Variants in POU2F3 observed in about 807,000 individuals in gnomAD.
POU2F3 encodes the protein POU domain, class 2, transcription factor 3.
In POU2F3, 23 loss-of-function variants were observed where a neutral mutation model predicts 59.2. The ratio of observed to expected loss-of-function variants is 0.39; its 90% CI spans 0.28 to 0.55. The LOEUF is 0.55. Among genes scored for constraint, POU2F3 ranks in the 20% least tolerant of loss-of-function variants. The probability of loss-of-function intolerance (pLI) is 0.66; values close to 1 mark genes in which losing one functional copy is unlikely to be tolerated. For synonymous variants in POU2F3, 190 were observed against 214.6 expected (o/e 0.89, Z 1.00); for missense variants, 473 against 544.5 (o/e 0.87, Z 1.31).
At chr11:120,313,829 C>T (rs1487390862) in intron 10 of POU2F3, among the ~76,000 whole-genome samples, 4 of 152,068 alleles carry the variant, frequency 2.6e-5, no homozygotes, top group Admixed American at 6.5e-5. Context: ...GCCTGGCCGA[C>T]GTGGCAAAAC....
chr11:120,304,971 A>AAAAAAAAATGT, intron 6 of POU2F3, 59 bp from the exon 7 acceptor site: 2 of 991,260 alleles, frequency 2.0e-6, no homozygotes, highest in Non-Finnish European at 2.9e-6. Flanking sequence ...AAAAAAAAAA[A>AAAAAAAAATGT]TCAGAAAATG....
chr11:120,275,743 C>T (rs954744088), intron 3 of POU2F3, among the ~76,000 whole-genome samples: 1 of 152,232 alleles, frequency 6.6e-6, no homozygotes, highest in African/African-American at 2.4e-5. Flanking sequence ...CTCAGCCCCA[C>T]ACTTGGCAGC....
At chr11:120,266,279 G>A (rs1050412433) in intron 2 of POU2F3, among the ~76,000 whole-genome samples, 3 of 152,022 alleles carry the variant, frequency 2.0e-5, no homozygotes, top group Admixed American at 1.3e-4. Flanking sequence ...CCTGTCAGCT[G>A]TCCATTTAAG....
chr11:120,251,452 A>G (rs1939094724), intron 2 of POU2F3, among the ~76,000 whole-genome samples: 1 of 152,224 alleles, frequency 6.6e-6, no homozygotes, highest in Admixed American at 6.5e-5. Context: ...TGTGCCCAGG[A>G]CTTGAATTTC....
intron 1 of POU2F3, among the ~76,000 whole-genome samples, chr11:120,244,954 G>C (rs1207162453): frequency 6.6e-6 from 1 of 152,058 alleles, no homozygotes; most frequent in African/African-American, 2.4e-5. Context: ...CACTAGGAGG[G>C]GAGGGGGTGG....
At chr11:120,251,122 T>C (rs899780013) in intron 2 of POU2F3, among the ~76,000 whole-genome samples, 1 of 152,170 alleles carries the variant, frequency 6.6e-6, no homozygotes, top group Non-Finnish European at 1.5e-5. Flanking sequence ...TATGCACCAC[T>C]ATGCCCAGCT....
chr11:120,238,336 T>A (rs1399543790), upstream of POU2F3, among the ~76,000 whole-genome samples: 2 of 151,942 alleles, frequency 1.3e-5, no homozygotes. Context: ...GGGAGGGTGG[T>A]GTATGTGGAC....
At chr11:120,252,839 G>C (rs949460157) in intron 2 of POU2F3, among the ~76,000 whole-genome samples, 1 of 152,138 alleles carries the variant, frequency 6.6e-6, no homozygotes. Context: ...TGAGGAGTTG[G>C]CTAGCCCTGC....
chr11:120,292,304 T>C (rs1941050446), intron 3 of POU2F3, among the ~76,000 whole-genome samples: 1 of 152,034 alleles, frequency 6.6e-6, no homozygotes, highest in Non-Finnish European at 1.5e-5. Context: ...TCATCCCCAT[T>C]GGGGACAGCA....
chr11:120,292,172 A>G (rs972653926), intron 3 of POU2F3, among the ~76,000 whole-genome samples: 11 of 152,170 alleles, frequency 7.2e-5, no homozygotes, highest in Admixed American at 3.3e-4. Flanking sequence ...ATCTAGGACT[A>G]CAGAGATGAG....
chr11:120,276,233 G>T (rs561213922), intron 3 of POU2F3, among the ~76,000 whole-genome samples: 46 of 152,320 alleles, frequency 3.0e-4, no homozygotes, highest in East Asian at 7.7e-4. Context: ...GGATTGTTTA[G>T]TTCCACAAAC....
intron 11 of POU2F3, among the ~76,000 whole-genome samples, chr11:120,316,133 C>G (rs1941784063): frequency 6.6e-6 from 1 of 152,174 alleles, no homozygotes; most frequent in Admixed American, 6.5e-5. Flanking sequence ...CTCGGCCTCC[C>G]AAAGTGCTGG....
chr11:120,310,768 C>T (rs953204175), intron 10 of POU2F3, among the ~76,000 whole-genome samples: 2 of 152,172 alleles, frequency 1.3e-5, no homozygotes, highest in Non-Finnish European at 2.9e-5. Flanking sequence ...ATTCTTTCAC[C>T]AACCAGCTAC....
At position 120,308,580 on chromosome 11, in the gene POU2F3, G is replaced by A. The variant is rs1460989674; in HGVS notation, c.907-845G>A. 2.6e-5 allele frequency among the ~76,000 whole-genome samples: 4 copies of A among 152,158 alleles called. No individual in the cohort carries two copies. In the East Asian group the frequency reaches 7.7e-4, roughly 29 times the overall value. Reference sequence around the variant, plus strand: ...GTGTAGCATGTATTGCTATGCCACAGTCCTGATGGGTCCACATGTTTTAGC... The same window carrying A: ...GTGTAGCATGTATTGCTATGCCACAATCCTGATGGGTCCACATGTTTTAGC... On this transcript the variant is annotated intron_variant, in intron 9 of 12. Coordinates refer to ENST00000543440, the MANE Select transcript of POU2F3 (RefSeq NM_014352.4).
At chr11:120,243,640 G>A (rs1393460950) in intron 1 of POU2F3, among the ~76,000 whole-genome samples, 2 of 152,168 alleles carry the variant, frequency 1.3e-5, no homozygotes, top group Non-Finnish European at 2.9e-5. Flanking sequence ...AGTGCTGTCC[G>A]ACAGGTGAAG....
intron 5 of POU2F3, among the ~76,000 whole-genome samples, chr11:120,300,207 A>G (rs57126975): frequency 0.018 from 2,720 of 152,236 alleles, 77 homozygotes; most frequent in African/African-American, 0.06. Flanking sequence ...CAGGGAAGTT[A>G]CTCGCAGAGA....
intron 5 of POU2F3, chr11:120,301,603 G>C (rs1294530650): frequency 6.5e-6 from 1 of 153,782 alleles, no homozygotes; most frequent in African/African-American, 2.4e-5. Context: ...CCTGCTGGGA[G>C]AGTGAGCCAC....
chr11:120,315,127 G>A (rs962431653), intron 10 of POU2F3, among the ~76,000 whole-genome samples: 2 of 152,226 alleles, frequency 1.3e-5, no homozygotes, highest in East Asian at 1.9e-4. Context: ...AGGGGCTGGA[G>A]GGCCCTGGTG....
intron 3 of POU2F3, among the ~76,000 whole-genome samples, chr11:120,272,217 G>A (rs977657674): frequency 7.2e-5 from 11 of 152,252 alleles, no homozygotes; most frequent in African/African-American, 1.7e-4. Flanking sequence ...AGGCAGCCCC[G>A]CCTTTTTCAG....
Sources: gnomAD v4.1 joint callset for allele counts (sites outside exome capture counted in the v4.1 genomes callset) on GRCh38, gnomAD v4.1.1 for gene constraint, MANE v1.5 for transcripts, NCBI Gene and HGNC (gene_info 2026-07-23, HGNC 2026-07-21) for gene names.